HECW2: variants seen among roughly 807,000 people sequenced by gnomAD.
The protein encoded by HECW2 is HECT, C2 and WW domain containing E3 ubiquitin protein ligase 2, also known as E3 ubiquitin-protein ligase HECW2.
Under a neutral mutation model 175.2 loss-of-function variants are expected in HECW2, and 61 were observed. The observed-to-expected ratio is 0.35, with a 90% CI of 0.28 to 0.43. The LOEUF is 0.43. HECW2 is among the 20% of genes least tolerant of loss of function. HECW2 has a pLI of 1.00. For synonymous variants in HECW2, 671 were observed against 731.0 expected (o/e 0.92, Z 1.32); for missense variants, 1,524 against 2,000.5 (o/e 0.76, Z 4.54).
At chr2:196,204,097 A>T (rs1315434673) in intron 28 of HECW2, among the ~76,000 whole-genome samples, 1 of 152,156 alleles carries the variant, frequency 6.6e-6, no homozygotes, top group Non-Finnish European at 1.5e-5. Flanking sequence ...TTCTTTATTC[A>T]TTCATCCATT....
At chr2:196,520,349 C>G (rs1688316378) in intron 1 of HECW2, among the ~76,000 whole-genome samples, 3 of 151,950 alleles carry the variant, frequency 2.0e-5, no homozygotes, top group Non-Finnish European at 4.4e-5. Flanking sequence ...AAGACCCTAC[C>G]TATAGTCTCT....
At chr2:196,578,775 G>T (rs111716626) in intron 1 of HECW2, among the ~76,000 whole-genome samples, 7,083 of 152,166 alleles carry the variant, frequency 0.047, 187 homozygotes, top group Middle Eastern at 0.11. Flanking sequence ...AAAAATGAAG[G>T]CAAAATTAAG....
At chr2:196,448,152 GATAAA>G (rs1402788195) in intron 1 of HECW2, among the ~76,000 whole-genome samples, 1 of 152,210 alleles carries the variant, frequency 6.6e-6, no homozygotes, top group Non-Finnish European at 1.5e-5. Context: ...GTTGGTGTAA[GATAAA>G]ATAAACTGAT....
Position 196,259,297 on chromosome 2 carries a change from C to T in HECW2, c.3336-1391G>A, listed in dbSNP as rs527759043. Among the ~76,000 whole-genome samples, 4 of 152,276 alleles carry T rather than the reference C, an allele frequency of 2.6e-5. 1 individual carries two copies. In the South Asian group the frequency reaches 6.2e-4, roughly 24 times the overall value. On this transcript the variant is annotated intron_variant, in intron 17 of 28. Transcript: ENST00000644978. ...CAAGTTGCACTGATTTTTATATTCC[C>T]AAATTTGAAATATTTTTCTTAAGAT...
intron 1 of HECW2, among the ~76,000 whole-genome samples, chr2:196,520,850 G>A (rs1350758285): frequency 6.6e-6 from 1 of 152,100 alleles, no homozygotes; most frequent in Non-Finnish European, 1.5e-5. Context: ...CACACAGAAG[G>A]ACACGCAAGA....
At chr2:196,555,313 T>C (rs1297273940) in intron 1 of HECW2, among the ~76,000 whole-genome samples, 1 of 152,172 alleles carries the variant, frequency 6.6e-6, no homozygotes, top group Non-Finnish European at 1.5e-5. Flanking sequence ...GAGCTCCTTC[T>C]TGCTGGGTCC....
intron 10 of HECW2, chr2:196,316,070 G>T (rs1426518063): frequency 6.6e-6 from 1 of 152,086 alleles, no homozygotes; most frequent in Non-Finnish European, 1.5e-5. Context: ...TATCAATAAG[G>T]AAGTTTTCTG....
chr2:196,517,836 T>G (rs535183938), intron 1 of HECW2, among the ~76,000 whole-genome samples: 2 of 152,278 alleles, frequency 1.3e-5, no homozygotes, highest in East Asian at 3.9e-4. Flanking sequence ...CCCCAGAGTT[T>G]CAGGATACAG....
chr2:196,330,449 T>G (rs1424579908), intron 4 of HECW2, among the ~76,000 whole-genome samples: 1 of 152,246 alleles, frequency 6.6e-6, no homozygotes, highest in Non-Finnish European at 1.5e-5. Context: ...ATTTTAATTC[T>G]GAAGTTTAGA....
chr2:196,201,673 T>C (rs1314815255), intron 28 of HECW2, among the ~76,000 whole-genome samples: 3 of 152,192 alleles, frequency 2.0e-5, no homozygotes, highest in Non-Finnish European at 4.4e-5. Flanking sequence ...ATTTATTGAG[T>C]GGTCTAAGGA....
At chr2:196,397,593 A>G (rs1191224001) in intron 2 of HECW2, among the ~76,000 whole-genome samples, 4 of 152,214 alleles carry the variant, frequency 2.6e-5, no homozygotes, top group African/African-American at 9.6e-5. Flanking sequence ...CTGGCTCTCT[A>G]TACAACCTCC....
chr2:196,458,254 G>C (rs1197098921), intron 1 of HECW2, among the ~76,000 whole-genome samples: 1 of 152,242 alleles, frequency 6.6e-6, no homozygotes, highest in East Asian at 1.9e-4. Context: ...CTAAGTGACA[G>C]AGCAAAACCC....
intron 1 of HECW2, among the ~76,000 whole-genome samples, chr2:196,568,241 A>G (rs1416119283): frequency 6.6e-6 from 1 of 152,188 alleles, no homozygotes; most frequent in African/African-American, 2.4e-5. Flanking sequence ...AAAATCCTCT[A>G]TGTTATGATA....
At chr2:196,376,492 A>G (rs1694055153) in intron 2 of HECW2, among the ~76,000 whole-genome samples, 1 of 151,780 alleles carries the variant, frequency 6.6e-6, no homozygotes, top group Non-Finnish European at 1.5e-5. Context: ...AGCTGGGTGC[A>G]GTGGTGCGCA....
chr2:196,456,693 G>A (rs768409626), intron 1 of HECW2, among the ~76,000 whole-genome samples: 1 of 152,132 alleles, frequency 6.6e-6, no homozygotes, highest in Non-Finnish European at 1.5e-5. Context: ...CTTTTTTACT[G>A]CTCTTATGGG....
chr2:196,433,640 G>C (rs574368609), intron 1 of HECW2, among the ~76,000 whole-genome samples, 182 bp from the exon 2 acceptor site: 1 of 152,254 alleles, frequency 6.6e-6, no homozygotes, highest in South Asian at 2.1e-4. Flanking sequence ...CTTCTATAGA[G>C]TCAAGTCACA....
intron 1 of HECW2, among the ~76,000 whole-genome samples, chr2:196,535,019 C>A (rs544465590): frequency 1.3e-5 from 2 of 149,650 alleles, no homozygotes; most frequent in African/African-American, 4.9e-5. Context: ...CACGACAAAA[C>A]GATTAGGAAG....
intron 1 of HECW2, among the ~76,000 whole-genome samples, chr2:196,438,928 G>T (rs1695960602): frequency 6.6e-6 from 1 of 152,260 alleles, no homozygotes; most frequent in African/African-American, 2.4e-5. Context: ...GTGTGTCAGG[G>T]GAGGAGATGA....
At position 196,278,622 on chromosome 2, in the gene HECW2, A is replaced by G. The variant is rs1690068658; in HGVS notation, c.3041T>C (p.Ile1014Thr). Residue 1014 changes from isoleucine to threonine, a missense_variant, in exon 15 of 29, where the codon ATT (isoleucine) becomes ACT (threonine). By Grantham distance (89) the Ile-to-Thr change is moderately conservative. Coordinates refer to ENST00000644978, the MANE Select transcript of HECW2 (RefSeq NM_001348768.2). Reference protein sequence around the residue: ...VDHNSRTTTFIDPRLPLQSSR... With the variant: ...VDHNSRTTTFTDPRLPLQSSR... ...GCTCTGAAGTGGGAGCCGGGGATCA[A>G]TGAAAGTGGTGGTGCGGGAGTTGTG... 2.5e-6 allele frequency: 4 copies of G among 1,614,084 alleles called. No individual in the cohort carries two copies. Among genetic ancestry groups the G allele is most frequent in the Non-Finnish European group, 3.4e-6 (4 of 1,179,992 alleles).
Sources: gnomAD v4.1 joint callset for allele counts (sites outside exome capture counted in the v4.1 genomes callset) on GRCh38, gnomAD v4.1.1 for gene constraint, MANE v1.5 for transcripts, NCBI Gene and HGNC (gene_info 2026-07-23, HGNC 2026-07-21) for gene names.